Variants in CCSER1 observed in about 807,000 individuals in gnomAD.
CCSER1 encodes the protein serine-rich coiled-coil domain-containing protein 1.
In CCSER1, 41 loss-of-function variants were observed where a neutral mutation model predicts 82.0. That is an observed-to-expected ratio of 0.50 (90% CI 0.39 to 0.65). CCSER1 has a LOEUF of 0.65. Among genes scored for constraint, CCSER1 ranks in the 30% least tolerant of loss-of-function variants. CCSER1 has a pLI of 0.00. For missense variants in CCSER1, 1,119 were observed against 1,064.2 expected, an observed-to-expected ratio of 1.05 and a Z score of -0.72; for synonymous variants, 414 against 383.9, an observed-to-expected ratio of 1.08 and a Z score of -0.92.
Position 90,854,282 on chromosome 4 carries a change from C to T in CCSER1, c.2094+38437C>T, listed in dbSNP as rs142584280. On this transcript the variant is annotated intron_variant, in intron 8 of 10. Coordinates refer to ENST00000509176, the MANE Select transcript of CCSER1 (RefSeq NM_001145065.2). ...AAGGTAAACCAGTTTGGCTGGAATG[C>T]AAATCCTGGATAAGGATAGTGAGCT... 3.3e-4 allele frequency among the ~76,000 whole-genome samples: 51 copies of T among 152,252 alleles called. No individual in the cohort carries two copies. The East Asian group carries it at 7.3e-3, about 22-fold the overall frequency.
At chr4:91,591,192 A>ATACTT (rs1332860820) in intron 10 of CCSER1, among the ~76,000 whole-genome samples, 1 of 152,160 alleles carries the variant, frequency 6.6e-6, no homozygotes, top group Non-Finnish European at 1.5e-5. Context: ...TAAGTAATAC[A>ATACTT]TACTTAAACA....
chr4:91,060,858 G>T (rs757166930), intron 9 of CCSER1, among the ~76,000 whole-genome samples: 1 of 151,918 alleles, frequency 6.6e-6, no homozygotes, highest in African/African-American at 2.4e-5. Flanking sequence ...TATTCTCTCA[G>T]GGACTTTGTT....
At chr4:90,429,423 C>T (rs1757975901) in intron 4 of CCSER1, among the ~76,000 whole-genome samples, 2 of 151,596 alleles carry the variant, frequency 1.3e-5, no homozygotes, top group South Asian at 2.1e-4. Context: ...GGAATTTCCG[C>T]ATGTAATGTT....
At chr4:90,967,268 T>C (rs1378800156) in intron 9 of CCSER1, among the ~76,000 whole-genome samples, 1 of 151,734 alleles carries the variant, frequency 6.6e-6, no homozygotes, top group East Asian at 1.9e-4. Flanking sequence ...GCCAAAATGA[T>C]GAAACCCTAT....
intron 10 of CCSER1, among the ~76,000 whole-genome samples, chr4:91,169,436 C>G (rs116163716): frequency 6.6e-6 from 1 of 151,934 alleles, no homozygotes; most frequent in Non-Finnish European, 1.5e-5. Flanking sequence ...GCCTGGCCAC[C>G]GTGGCGAAGC....
chr4:91,028,992 G>A (rs1642463230), intron 9 of CCSER1, among the ~76,000 whole-genome samples: 2 of 152,102 alleles, frequency 1.3e-5, no homozygotes, highest in East Asian at 1.9e-4. Context: ...AAAGACAGTC[G>A]TAGTCGTACA....
At chr4:90,433,541 C>G (rs936768955) in intron 4 of CCSER1, among the ~76,000 whole-genome samples, 2 of 152,030 alleles carry the variant, frequency 1.3e-5, no homozygotes, top group African/African-American at 4.8e-5. Context: ...GTTTCCTTGT[C>G]TTTAGCATGA....
rs1188236092 is a variant in CCSER1, at chr4:91,067,336, CT to C, written c.2173-18602del. On this transcript the variant is annotated intron_variant, in intron 9 of 10. Coordinates refer to ENST00000509176, the MANE Select transcript of CCSER1 (RefSeq NM_001145065.2). ...GGTACAATAAGATGTTTGTCTCATC[CT>C]TTTTTTTTTTTCTTTTTTTTTTGCT... Among the ~76,000 whole-genome samples, 285 of 143,256 alleles carry C rather than the reference CT, an allele frequency of 2.0e-3. 1 individual carries two copies. The highest frequency in any genetic ancestry group is 3.1e-3 in the Non-Finnish European group (203 of 65,100). 94.0% of individuals were successfully genotyped at this position (143,256 alleles called of 152,430 possible). A position where few individuals can be genotyped will look rare whatever the true frequency, so the allele number is the denominator to read the frequency against.
chr4:90,796,039 G>A (rs1041249652), intron 7 of CCSER1, among the ~76,000 whole-genome samples: 1 of 151,312 alleles, frequency 6.6e-6, no homozygotes, highest in African/African-American at 2.4e-5. Context: ...CTCCTTCTCA[G>A]TTATGTGGGA....
chr4:91,088,664 T>C (rs1723627783), intron 10 of CCSER1, among the ~76,000 whole-genome samples: 1 of 152,196 alleles, frequency 6.6e-6, no homozygotes, highest in Non-Finnish European at 1.5e-5. Context: ...TGTATACAAT[T>C]TGAGGGGGCT....
At chr4:91,197,947 T>C (rs983925367) in intron 10 of CCSER1, among the ~76,000 whole-genome samples, 1 of 152,094 alleles carries the variant, frequency 6.6e-6, no homozygotes, top group Non-Finnish European at 1.5e-5. Context: ...TTATAGGCAA[T>C]AAAATTATAC....
At chr4:90,660,235 T>G (rs955546603) in intron 6 of CCSER1, among the ~76,000 whole-genome samples, 1 of 152,044 alleles carries the variant, frequency 6.6e-6, no homozygotes, top group African/African-American at 2.4e-5. Flanking sequence ...CACTCACATC[T>G]TTATCACAGC....
chr4:91,196,784 T>C (rs1735472813), intron 10 of CCSER1, among the ~76,000 whole-genome samples: 1 of 152,236 alleles, frequency 6.6e-6, no homozygotes, highest in Non-Finnish European at 1.5e-5. Context: ...CATAACTCTT[T>C]TGGCTCCTGT....
intron 10 of CCSER1, among the ~76,000 whole-genome samples, chr4:91,485,450 C>T (rs1758164612): frequency 1.3e-5 from 2 of 152,066 alleles, no homozygotes; most frequent in Non-Finnish European, 1.5e-5. Flanking sequence ...TGTTTTTACA[C>T]TATGACAAAA....
intron 1 of CCSER1, among the ~76,000 whole-genome samples, chr4:90,150,360 T>C (rs1726592645): frequency 6.6e-6 from 1 of 152,126 alleles, no homozygotes; most frequent in African/African-American, 2.4e-5. Context: ...TCAGTCACTG[T>C]TGCAAATGTG....
At chr4:91,426,815 AT>A (rs1382667868) in intron 10 of CCSER1, among the ~76,000 whole-genome samples, 3 of 152,204 alleles carry the variant, frequency 2.0e-5, no homozygotes, top group African/African-American at 4.8e-5. Context: ...ATATAAAAAA[AT>A]GATTCCAACT....
chr4:91,254,147 A>G (rs1445535372), intron 10 of CCSER1, among the ~76,000 whole-genome samples: 1 of 152,198 alleles, frequency 6.6e-6, no homozygotes, highest in African/African-American at 2.4e-5. Flanking sequence ...TCAATCAAGG[A>G]TAGAACAACC....
intron 1 of CCSER1, among the ~76,000 whole-genome samples, chr4:90,174,663 G>T (rs1732333555): frequency 6.6e-6 from 1 of 151,940 alleles, no homozygotes; most frequent in Non-Finnish European, 1.5e-5. Context: ...GCTGACATGT[G>T]CAGAGGATCC....
intron 9 of CCSER1, among the ~76,000 whole-genome samples, chr4:90,964,057 G>A (rs1448278721): frequency 6.6e-6 from 1 of 152,002 alleles, no homozygotes. Flanking sequence ...TACACTATTT[G>A]TGGAGAGCAA....
Sources: gnomAD v4.1 joint callset for allele counts (sites outside exome capture counted in the v4.1 genomes callset) on GRCh38, gnomAD v4.1.1 for gene constraint, MANE v1.5 for transcripts, NCBI Gene and HGNC (gene_info 2026-07-23, HGNC 2026-07-21) for gene names.